Variants in NDUFAF2 observed in about 807,000 individuals in gnomAD.
NDUFAF2 encodes the protein NADH:ubiquinone oxidoreductase complex assembly factor 2, also known as NADH dehydrogenase [ubiquinone] 1 alpha subcomplex assembly factor 2.
A neutral mutation model predicts 22.8 loss-of-function variants in NDUFAF2; 13 were observed. That is an observed-to-expected ratio of 0.57 (90% CI 0.37 to 0.91). NDUFAF2 has a LOEUF of 0.91. Ranked by LOEUF, NDUFAF2 falls within the 40% of genes least tolerant of loss-of-function variation. NDUFAF2 has a pLI of 0.01. For synonymous variants in NDUFAF2, 53 were observed against 64.2 expected, an observed-to-expected ratio of 0.83 and a Z score of 0.84; for missense variants, 162 against 195.2, an observed-to-expected ratio of 0.83 and a Z score of 1.01.
intron 3 of NDUFAF2, among the ~76,000 whole-genome samples, chr5:61,102,355 A>G (rs1406455740): frequency 6.6e-6 from 1 of 152,184 alleles, no homozygotes; most frequent in East Asian, 1.9e-4. Flanking sequence ...TGGAAAAAAC[A>G]AAAGTCCAAA....
intron 3 of NDUFAF2, among the ~76,000 whole-genome samples, chr5:61,128,651 AG>A (rs1390434483): frequency 6.6e-6 from 1 of 152,226 alleles, no homozygotes; most frequent in Non-Finnish European, 1.5e-5. Flanking sequence ...AATTAATTCA[AG>A]ATGGATTAAA....
At chr5:60,980,064 C>T (rs955731250) in intron 1 of NDUFAF2, among the ~76,000 whole-genome samples, 2 of 152,150 alleles carry the variant, frequency 1.3e-5, no homozygotes, top group Non-Finnish European at 2.9e-5. Flanking sequence ...CTCAATAAGC[C>T]AGCAAGCACT....
At chr5:61,014,300 C>T (rs1485795572) in intron 1 of NDUFAF2, among the ~76,000 whole-genome samples, 1 of 152,204 alleles carries the variant, frequency 6.6e-6, no homozygotes, top group Non-Finnish European at 1.5e-5. Flanking sequence ...TTGACAATAG[C>T]CACAAGTTGG....
chr5:61,073,053 T>G (rs1752320406), intron 1 of NDUFAF2, 72 bp from the exon 2 acceptor site: 14 of 922,354 alleles, frequency 1.5e-5, no homozygotes, highest in South Asian at 2.6e-5. Context: ...TTATGCAATA[T>G]TCAAAGATTA....
At chr5:60,985,978 C>G (rs1333860494) in intron 1 of NDUFAF2, among the ~76,000 whole-genome samples, 3 of 152,090 alleles carry the variant, frequency 2.0e-5, no homozygotes, top group African/African-American at 7.2e-5. Flanking sequence ...TGGCTTGTGT[C>G]CAAAAGACAG....
intron 1 of NDUFAF2, among the ~76,000 whole-genome samples, chr5:61,070,780 G>A (rs1752287487): frequency 6.6e-6 from 1 of 152,044 alleles, no homozygotes; most frequent in African/African-American, 2.4e-5. Context: ...TAGTGCTACT[G>A]AGAACGATAG....
At chr5:61,056,393 C>G (rs1457110971) in intron 1 of NDUFAF2, among the ~76,000 whole-genome samples, 1 of 152,110 alleles carries the variant, frequency 6.6e-6, no homozygotes, top group Non-Finnish European at 1.5e-5. Flanking sequence ...CTTTTTGCAG[C>G]CTTCACAAGC....
At chr5:61,088,772 G>T (rs1481857690) in intron 2 of NDUFAF2, among the ~76,000 whole-genome samples, 1 of 151,974 alleles carries the variant, frequency 6.6e-6, no homozygotes, top group Non-Finnish European at 1.5e-5. Context: ...AAAAACTGTG[G>T]ATCTCTTATT....
intron 1 of NDUFAF2, among the ~76,000 whole-genome samples, chr5:61,039,281 A>T (rs1442026808): frequency 6.6e-6 from 1 of 152,120 alleles, no homozygotes; most frequent in African/African-American, 2.4e-5. Context: ...GGAAGAGACT[A>T]TATTTGTAAC....
At chr5:61,134,223 TTTGC>T (rs1753147046) in intron 3 of NDUFAF2, among the ~76,000 whole-genome samples, 1 of 150,126 alleles carries the variant, frequency 6.7e-6, no homozygotes, top group Non-Finnish European at 1.5e-5. Context: ...TGCACATGTA[TTTGC>T]TTATTTTATA....
At chr5:61,129,517 T>C (rs1039570848) in intron 3 of NDUFAF2, among the ~76,000 whole-genome samples, 3 of 152,024 alleles carry the variant, frequency 2.0e-5, no homozygotes, top group African/African-American at 7.2e-5. Flanking sequence ...CTGGAAGCCA[T>C]CATTCTCAGC....
chr5:61,036,040 A>G (rs1751796488), intron 1 of NDUFAF2, among the ~76,000 whole-genome samples: 1 of 151,580 alleles, frequency 6.6e-6, no homozygotes, highest in Admixed American at 6.6e-5. Flanking sequence ...GATCTCATTT[A>G]TCTTATTGAC....
At chr5:60,949,792 T>G (rs1490891437) in intron 1 of NDUFAF2, among the ~76,000 whole-genome samples, 1 of 152,214 alleles carries the variant, frequency 6.6e-6, no homozygotes, top group African/African-American at 2.4e-5. Flanking sequence ...AGCATAGAGA[T>G]CATGATATGT....
chr5:61,058,817 C>T (rs1438731955), intron 1 of NDUFAF2, among the ~76,000 whole-genome samples: 2 of 152,008 alleles, frequency 1.3e-5, no homozygotes, highest in African/African-American at 2.4e-5. Context: ...TTGATTTCTA[C>T]ACATCAATCA....
chr5:60,996,901 T>G (rs1751235350), intron 1 of NDUFAF2, among the ~76,000 whole-genome samples: 1 of 152,160 alleles, frequency 6.6e-6, no homozygotes, highest in African/African-American at 2.4e-5. Flanking sequence ...CAGTGCCTCT[T>G]TCCGGGATAT....
At chr5:61,076,366 G>C (rs937854221) in intron 2 of NDUFAF2, among the ~76,000 whole-genome samples, 1 of 152,144 alleles carries the variant, frequency 6.6e-6, no homozygotes, top group Non-Finnish European at 1.5e-5. Context: ...GAGCCACCGC[G>C]CCCGGCCGTT....
chr5:60,991,776 C>T (rs549450579), intron 1 of NDUFAF2, among the ~76,000 whole-genome samples: 31 of 151,958 alleles, frequency 2.0e-4, no homozygotes, highest in Admixed American at 7.2e-4. Context: ...GATATCTGTT[C>T]GATACACTGG....
At chr5:60,964,144 T>C (rs1750724816) in intron 1 of NDUFAF2, among the ~76,000 whole-genome samples, 1 of 152,228 alleles carries the variant, frequency 6.6e-6, no homozygotes, top group South Asian at 2.1e-4. Context: ...GTTTTTGTTT[T>C]AACTCTTCAA....
chr5:61,107,014 G>A lies in NDUFAF2; in HGVS notation c.258+7982G>A, dbSNP rs1409047561. 3.6e-5 allele frequency among the ~76,000 whole-genome samples: 5 copies of A among 137,168 alleles called. No homozygotes were observed. In the East Asian group the frequency reaches 1.1e-3, roughly 31 times the overall value. 90.0% of individuals were successfully genotyped at this position (137,168 alleles called of 152,430 possible). ...AACATGGGAGTACAGGTATCTCTTCGATATTCTGATTTCCTTTCCTTTGGA... is the reference window on the plus strand; with the variant it reads ...AACATGGGAGTACAGGTATCTCTTCAATATTCTGATTTCCTTTCCTTTGGA... On this transcript the variant is annotated intron_variant, in intron 3 of 3. Transcript: ENST00000296597.
Sources: gnomAD v4.1 joint callset for allele counts (sites outside exome capture counted in the v4.1 genomes callset) on GRCh38, gnomAD v4.1.1 for gene constraint, MANE v1.5 for transcripts, NCBI Gene and HGNC (gene_info 2026-07-23, HGNC 2026-07-21) for gene names.